The following ZNF572 variants were observed in gnomAD, a reference collection of about 807,000 sequenced individuals.
ZNF572 encodes zinc finger protein 572.
A neutral mutation model predicts 3.8 loss-of-function variants in ZNF572; 2 were observed. That is an observed-to-expected ratio of 0.52 (90% CI 0.21 to 1.65). The LOEUF is 1.65. Among genes scored for constraint, ZNF572 ranks in the 40% most tolerant of loss-of-function variants. ZNF572 has a pLI of 0.20. For synonymous variants in ZNF572, 187 were observed against 204.5 expected (o/e 0.91, Z 0.73); for missense variants, 581 against 633.4 (o/e 0.92, Z 0.89).
At chr8:124,975,493 A>G (rs1184192800) in intron 1 of ZNF572, 113 bp from the exon 2 acceptor site, 4 of 578,118 alleles carry the variant, frequency 6.9e-6, no homozygotes, top group Non-Finnish European at 1.2e-5. Flanking sequence ...TATTTTCGGT[A>G]TGGTTCATGG....
chr8:124,975,542 G>T (rs944920006), intron 1 of ZNF572, 64 bp from the exon 2 acceptor site: 15 of 938,554 alleles, frequency 1.6e-5, no homozygotes, highest in Non-Finnish European at 2.6e-5. Flanking sequence ...GGAATGGTTG[G>T]GAAGGAAGGA....
chr8:124,974,772 A>G (rs1814484959), intron 1 of ZNF572, among the ~76,000 whole-genome samples: 1 of 151,844 alleles, frequency 6.6e-6, no homozygotes, highest in African/African-American at 2.4e-5. Flanking sequence ...GCTCACTGCA[A>G]CCTCTGCCTC....
rs117157516 is a variant in ZNF572 at position 124,976,550 on chromosome 8, T to C, written c.282T>C (p.Asn94=). ...ATGAGAGTGATGGCAAGTCAGAGAA[T>C]TGGGGAAATTTTATAGCTAAAGAGG... ...DSYESDGKSE[N]WGNFIAKEEE... is the part of the protein sequence containing the mutation. Residue 94 remains asparagine (N), a synonymous_variant, in exon 3 of 3, where the codon AAT becomes AAC. Transcript: ENST00000319286. The C allele has an allele frequency of 1.2e-3, 1,874 of 1,614,064 alleles. 48 individuals carry two copies. In the East Asian group the frequency reaches 0.036, roughly 31 times the overall value.
At position 124,977,708 on chromosome 8, in the gene ZNF572, T is replaced by A; in HGVS notation, c.1440T>A (p.Ser480Arg). The A allele has an allele frequency of 9.9e-6, 16 of 1,614,194 alleles. No individual in the cohort carries two copies. Among genetic ancestry groups the A allele is most frequent in the Non-Finnish European group, 1.4e-5 (16 of 1,180,020 alleles). ...CTSCEKCFSRSAYLSQHRKIH... is the reference protein window; with the variant it reads ...CTSCEKCFSRRAYLSQHRKIH... The stretch of plus-strand genomic sequence containing the variant: ...GCTGTGAGAAATGCTTCAGCAGAAG[T>A]GCCTACCTCAGTCAGCATCGGAAAA... The change falls in exon 3 of 3, where the codon AGT (serine) becomes AGA (arginine). Residue 480 changes from serine to arginine, a missense_variant. Transcript: ENST00000319286.
intron 1 of ZNF572, among the ~76,000 whole-genome samples, 198 bp downstream of exon 1, chr8:124,973,614 C>T (rs1013589125): frequency 1.3e-5 from 2 of 152,224 alleles, no homozygotes; most frequent in Non-Finnish European, 2.9e-5. Context: ...CGGAGACCGT[C>T]TGGTATCCTG....
rs1228331942 is a variant in ZNF572, at chr8:124,978,008, C to G, written c.*150C>G. ...CCTCCCAGTTTAAAGGATGGGAAGA[C>G]CCCAATCACCAGGTTATTGGATCTG... On this transcript the variant is annotated 3_prime_UTR_variant, in exon 3 of 3. Coordinates refer to ENST00000319286, the MANE Select transcript of ZNF572 (RefSeq NM_152412.3). 1.3e-6 allele frequency: 1 copy of G among 792,420 alleles called. No homozygotes were observed. The highest frequency in any genetic ancestry group is 2.7e-5 in the East Asian group (1 of 36,692). 49.1% of individuals were successfully genotyped at this position (792,420 alleles called of 1,614,324 possible).
Position 124,977,802 on chromosome 8 carries a change from T to C in ZNF572, c.1534T>C (p.Cys512Arg), listed in dbSNP as rs768784830. 2.5e-6 allele frequency: 4 copies of C among 1,611,916 alleles called. No individual in the cohort carries two copies. The highest frequency in any genetic ancestry group is 3.4e-6 in the Non-Finnish European group (4 of 1,178,308). ...DFPHEWTWKN[C>R]SGEMPFISSF... Reference sequence around the variant, plus strand: ...TCCTCATGAATGGACTTGGAAAAACTGTTCAGGGGAAATGCCCTTCATCTC... The same window carrying C: ...TCCTCATGAATGGACTTGGAAAAACCGTTCAGGGGAAATGCCCTTCATCTC... Residue 512 changes from cysteine (C) to arginine (R), a missense_variant, in exon 3 of 3, where the codon TGT becomes CGT. Coordinates refer to ENST00000319286, the MANE Select transcript of ZNF572 (RefSeq NM_152412.3).
rs1588105849 is a variant in ZNF572 at position 124,979,020 on chromosome 8, C to G, written c.*1162C>G. On this transcript the variant is annotated 3_prime_UTR_variant, in exon 3 of 3. Coordinates refer to ENST00000319286, the MANE Select transcript of ZNF572 (RefSeq NM_152412.3). The stretch of plus-strand genomic sequence containing the variant: ...ATCTGATAACTGAGGTCCCATCTTC[C>G]CTACTCATTCCTATGGGAATGATGC... The G allele has an allele frequency of 2.0e-5, 3 of 152,178 alleles. No individual in the cohort carries two copies. Among genetic ancestry groups the G allele is most frequent in the African/African-American group, 7.2e-5 (3 of 41,434 alleles). 9.4% of individuals were successfully genotyped at this position (152,178 alleles called of 1,614,324 possible). A position where few individuals can be genotyped will look rare whatever the true frequency, so the allele number is the denominator to read the frequency against.
rs769832727 is a variant in ZNF572, at chr8:124,977,143, G to A, written c.875G>A (p.Arg292Gln). 2.1e-5 allele frequency: 33 copies of A among 1,608,888 alleles called. No individual in the cohort carries two copies. Among genetic ancestry groups the A allele is most frequent in the Non-Finnish European group, 2.5e-5 (30 of 1,180,000 alleles). Reference sequence around the variant, plus strand: ...AGTTCCAGCCTCATTCGCCACCAGCGGACACACACAGGTGAGAAGCCCTAC... The same window carrying A: ...AGTTCCAGCCTCATTCGCCACCAGCAGACACACACAGGTGAGAAGCCCTAC... The part of the protein sequence containing the change: ...SQSSSLIRHQ[R>Q]THTGEKPYKC... Residue 292 changes from arginine (R) to glutamine (Q), a missense_variant, in exon 3 of 3, where the codon CGG becomes CAG. Physicochemically the swap from Arg to Gln is conservative, Grantham distance 43. Transcript: ENST00000319286.
Position 124,976,895 on chromosome 8 carries a change from T to C in ZNF572, c.627T>C (p.Thr209=), listed in dbSNP as rs541142221. ...NTSHLIIHER[T]HTGEKPYKCP... ...CCCATCTTATTATCCATGAGAGAAC[T>C]CACACGGGAGAGAAACCCTACAAAT... The change falls in exon 3 of 3, where the codon ACT becomes ACC. Residue 209 remains threonine, a synonymous_variant. Transcript: ENST00000319286. The C allele has an allele frequency of 6.8e-6, 11 of 1,613,582 alleles. No homozygotes were observed. In the South Asian group the frequency reaches 1.2e-4, roughly 18 times the overall value.
chr8:124,977,972 G>A lies in ZNF572; in HGVS notation c.*114G>A. The A allele has an allele frequency of 2.4e-6, 3 of 1,239,076 alleles. No individual in the cohort carries two copies. Among genetic ancestry groups the A allele is most frequent in the Non-Finnish European group, 3.3e-6 (3 of 922,018 alleles). 76.8% of individuals were successfully genotyped at this position (1,239,076 alleles called of 1,614,324 possible). A position where few individuals can be genotyped will look rare whatever the true frequency, so the allele number is the denominator to read the frequency against. ...TTTGATGTGTTTGTCAAAACATTTG[G>A]AAAAAGTCAACCTCCCAGTTTAAAG... On this transcript the variant is annotated 3_prime_UTR_variant, in exon 3 of 3. Coordinates refer to ENST00000319286, the MANE Select transcript of ZNF572 (RefSeq NM_152412.3).
In ZNF572 at chr8:124,977,395, G is replaced by C; in HGVS notation, c.1127G>C (p.Arg376Thr). ...AACTGCAATGTGATAGAAGAATGCAGAATCCAGTTAGGAGAGAAACCATAT... is the reference window on the plus strand; with the variant it reads ...AACTGCAATGTGATAGAAGAATGCACAATCCAGTTAGGAGAGAAACCATAT... Reference protein sequence around the residue: ...GQNCNVIEECRIQLGEKPYRC... With the variant: ...GQNCNVIEECTIQLGEKPYRC... The change falls in exon 3 of 3, where the codon AGA becomes ACA. Residue 376 changes from arginine to threonine, a missense_variant. Physicochemically the swap from Arg to Thr is moderately conservative, Grantham distance 71. Transcript: ENST00000319286. 3 of 1,614,202 alleles carry C rather than the reference G, an allele frequency of 1.9e-6. No homozygotes were observed. Among genetic ancestry groups the C allele is most frequent in the Non-Finnish European group, 2.5e-6 (3 of 1,180,040 alleles).
intron 1 of ZNF572, among the ~76,000 whole-genome samples, chr8:124,975,081 C>T: frequency 6.6e-6 from 1 of 152,146 alleles, no homozygotes; most frequent in Non-Finnish European, 1.5e-5. Context: ...ATTATTCCAC[C>T]TCGGCTTTGT....
rs1213655337 is a variant in ZNF572, at chr8:124,979,263, T to TG, written c.*1407dup. 6.6e-6 allele frequency: 1 copy of TG among 152,638 alleles called. No homozygotes were observed. The highest frequency in any genetic ancestry group is 1.5e-5 in the Non-Finnish European group (1 of 68,040). 9.5% of individuals were successfully genotyped at this position (152,638 alleles called of 1,614,324 possible). On this transcript the variant is annotated 3_prime_UTR_variant, in exon 3 of 3. Coordinates refer to ENST00000319286, the MANE Select transcript of ZNF572 (RefSeq NM_152412.3). ...AGCTGCTGCAAAGTTCTGTAGCTGA[T>TG]GGTCATTTAATTGCATGGGGGTTAT...
rs199800371 is a variant in ZNF572 at position 124,976,836 on chromosome 8, T to A, written c.568T>A (p.Cys190Ser). 1.9e-6 allele frequency: 3 copies of A among 1,612,248 alleles called. No homozygotes were observed. The highest frequency in any genetic ancestry group is 2.5e-6 in the Non-Finnish European group (3 of 1,179,398). The change falls in exon 3 of 3, where the codon TGT becomes AGT. Residue 190 changes from cysteine (C) to serine (S), a missense_variant. Transcript: ENST00000319286. ...RMHTGEKPYQCGECGKSFSNT... is the reference protein window; with the variant it reads ...RMHTGEKPYQSGECGKSFSNT... ...GCACACAGGAGAGAAGCCCTACCAG[T>A]GTGGTGAATGTGGGAAAAGCTTCAG... is the stretch of plus-strand genomic sequence containing the variant.
rs764519431 is a variant in ZNF572 at position 124,975,674 on chromosome 8, T to A, written c.34T>A (p.Ser12Thr). 1.9e-6 allele frequency: 3 copies of A among 1,613,988 alleles called. No individual in the cohort carries two copies. Among genetic ancestry groups the A allele is most frequent in the Non-Finnish European group, 2.5e-6 (3 of 1,179,934 alleles). ...AGAAAAAAAACTGTTGGTCTCAGAT[T>A]CTAACAGCTTTATGGAGAGGGAGAG... ...EQEKKLLVSD[S>T]NSFMERESLK... The change falls in exon 2 of 3, where the codon TCT becomes ACT. Residue 12 changes from serine (S) to threonine (T), a missense_variant. Ser to Thr is a moderately conservative substitution (Grantham distance 58). Transcript: ENST00000319286.
rs757846482 is a variant in ZNF572 at position 124,976,320 on chromosome 8, T to C, written c.80-28T>C. 4.0e-6 allele frequency: 6 copies of C among 1,515,222 alleles called. No homozygotes were observed. In the South Asian group the frequency reaches 8.0e-5, roughly 20 times the overall value. The allele number at this position is 1,515,222 out of a possible 1,614,324, so 93.9% of individuals were successfully genotyped here. On this transcript the variant is annotated intron_variant, in intron 2 of 2. Transcript: ENST00000319286. ...ACTTCTCTGGCAGAGATTTGGAATATGGTTAGAATATTTGTTTATTCTTGC... is the reference window on the plus strand; with the variant it reads ...ACTTCTCTGGCAGAGATTTGGAATACGGTTAGAATATTTGTTTATTCTTGC...
At position 124,977,516 on chromosome 8, in the gene ZNF572, G is replaced by C. The variant is rs145813595; in HGVS notation, c.1248G>C (p.Glu416Asp). 384 of 1,614,194 alleles carry C rather than the reference G, an allele frequency of 2.4e-4. 2 individuals are homozygous for C. The highest frequency in any genetic ancestry group is 1.2e-3 in the African/African-American group (92 of 75,048). The part of the protein sequence containing the change: ...HTGEKPYRCS[E>D]CWKTFSQSST... The stretch of plus-strand genomic sequence containing the variant: ...GAGAAAAACCTTACAGATGTTCTGA[G>C]TGCTGGAAAACTTTCAGTCAGAGTT... The change falls in exon 3 of 3, where the codon GAG (glutamate) becomes GAC (aspartate). Residue 416 changes from glutamate (E) to aspartate (D), a missense_variant. Coordinates refer to ENST00000319286, the MANE Select transcript of ZNF572 (RefSeq NM_152412.3).
chr8:124,977,244 A>G lies in ZNF572; in HGVS notation c.976A>G (p.Lys326Glu). Residue 326 changes from lysine to glutamate, a missense_variant, in exon 3 of 3, where the codon AAG (lysine) becomes GAG (glutamate). Coordinates refer to ENST00000319286, the MANE Select transcript of ZNF572 (RefSeq NM_152412.3). ...ACATCAGAGAATACATACAGGAGAAAAGCCTTATCAATGTCCAGAATGTGG... is the reference window on the plus strand; with the variant it reads ...ACATCAGAGAATACATACAGGAGAAGAGCCTTATCAATGTCCAGAATGTGG... ...IKHQRIHTGE[K>E]PYQCPECGKN... 8.1e-6 allele frequency: 13 copies of G among 1,613,570 alleles called. No homozygotes were observed. The highest frequency in any genetic ancestry group is 1.1e-5 in the Non-Finnish European group (13 of 1,180,028).
Sources: allele counts gnomAD v4.1 joint callset (sites outside exome capture counted in the v4.1 genomes callset), GRCh38; gene constraint gnomAD v4.1.1; transcripts MANE v1.5; gene names NCBI Gene and HGNC (gene_info 2026-07-23, HGNC 2026-07-21).